AGPAT4: variants seen among roughly 807,000 people sequenced by gnomAD.
The protein encoded by AGPAT4 is 1-acylglycerol-3-phosphate O-acyltransferase 4, also known as 1-acyl-sn-glycerol-3-phosphate acyltransferase delta.
In AGPAT4, 15 loss-of-function variants were observed where a neutral mutation model predicts 48.0. That is an observed-to-expected ratio of 0.31 (90% CI 0.21 to 0.48). The LOEUF (loss-of-function observed/expected upper bound fraction) is 0.48, where lower values mean the gene tolerates loss of function less well. Ranked by LOEUF, AGPAT4 falls within the 20% of genes least tolerant of loss-of-function variation. AGPAT4 has a pLI of 0.99. For missense variants in AGPAT4, 314 were observed against 482.5 expected (o/e 0.65, Z 3.27); for synonymous variants, 178 against 198.7 (o/e 0.90, Z 0.88).
intron 2 of AGPAT4, among the ~76,000 whole-genome samples, chr6:161,167,800 C>T (rs1383412132): frequency 2.0e-5 from 3 of 152,226 alleles, no homozygotes; most frequent in East Asian, 1.9e-4. Context: ...CCTCCTAACA[C>T]GACAGTGCCT....
rs757807871 is a variant in AGPAT4 at position 161,221,716 on chromosome 6, G to A, written c.178+10320C>T. Among the ~76,000 whole-genome samples, 30 of 152,180 alleles carry A rather than the reference G, an allele frequency of 2.0e-4. No individual in the cohort carries two copies. Among genetic ancestry groups the A allele is most frequent in the South Asian group, 2.1e-4 (1 of 4,828 alleles). ...GGTGTTAGCAGGGTTGGTTCCTTCT[G>A]AGCATGTGAGGGAGGATCTGTGTCA... is the stretch of plus-strand genomic sequence containing the variant. On this transcript the variant is annotated intron_variant, in intron 2 of 8. Transcript: ENST00000320285. The surrounding 1 kb of genome is among the most constrained non-coding windows in gnomAD (Gnocchi z 4.5).
Position 161,131,077 on chromosome 6 carries a change from T to G in AGPAT4, c.*5463A>C. ...ACATACCACTCACCTCCCTTAAAAT[T>G]CAGCAGAACCAGAGGTGCCAGAAAT... On this transcript the variant is annotated 3_prime_UTR_variant, in exon 9 of 9. Transcript: ENST00000320285. 2 of 301,404 alleles carry G rather than the reference T, an allele frequency of 6.6e-6. No individual in the cohort carries two copies. The highest frequency in any genetic ancestry group is 1.4e-5 in the Non-Finnish European group (2 of 145,752). The allele number at this position is 301,404 out of a possible 1,614,324, so 18.7% of individuals were successfully genotyped here. A position where few individuals can be genotyped will look rare whatever the true frequency, so the allele number is the denominator to read the frequency against.
At position 161,131,825 on chromosome 6, in the gene AGPAT4, C is replaced by T. The variant is rs139657237; in HGVS notation, c.*4715G>A. The T allele has an allele frequency of 4.6e-5, 7 of 152,340 alleles. No homozygotes were observed. The highest frequency in any genetic ancestry group is 8.8e-5 in the Non-Finnish European group (6 of 68,032). 9.4% of individuals were successfully genotyped at this position (152,340 alleles called of 1,614,324 possible). On this transcript the variant is annotated 3_prime_UTR_variant, in exon 9 of 9. Coordinates refer to ENST00000320285, the MANE Select transcript of AGPAT4 (RefSeq NM_020133.3). Reference sequence around the variant, plus strand: ...ACAGCAACATGTCCTTAGTCCTCAGCCTAAGAAGTCCATCGAGTCCTTCTC... The same window carrying T: ...ACAGCAACATGTCCTTAGTCCTCAGTCTAAGAAGTCCATCGAGTCCTTCTC...
chr6:161,182,159 C>T (rs897535671), intron 2 of AGPAT4, among the ~76,000 whole-genome samples: 3 of 151,942 alleles, frequency 2.0e-5, no homozygotes, highest in African/African-American at 7.3e-5. Context: ...GCCCCTCGCC[C>T]CAGCACCTCG....
At chr6:161,256,374 A>C (rs1298720499) in intron 1 of AGPAT4, among the ~76,000 whole-genome samples, 1 of 152,212 alleles carries the variant, frequency 6.6e-6, no homozygotes, top group East Asian at 1.9e-4. Flanking sequence ...GATTGGGGAA[A>C]AGTCTTCGGT....
Position 161,130,813 on chromosome 6 carries a change from A to G in AGPAT4, c.*5727T>C, listed in dbSNP as rs1778877038. The G allele has an allele frequency of 3.9e-6, 2 of 518,018 alleles. No individual in the cohort carries two copies. Among genetic ancestry groups the G allele is most frequent in the African/African-American group, 3.8e-5 (2 of 51,954 alleles). The allele number at this position is 518,018 out of a possible 1,614,324, so 32.1% of individuals were successfully genotyped here. ...CTGGCTCTGCAGCGTTGTGACTTAGACACTTTACAAGTCTGAGCCATCCCG... is the reference window on the plus strand; with the variant it reads ...CTGGCTCTGCAGCGTTGTGACTTAGGCACTTTACAAGTCTGAGCCATCCCG... On this transcript the variant is annotated 3_prime_UTR_variant, in exon 9 of 9. Transcript: ENST00000320285.
At chr6:161,269,632 G>A (rs1404419097) in intron 1 of AGPAT4, among the ~76,000 whole-genome samples, 5 of 152,174 alleles carry the variant, frequency 3.3e-5, no homozygotes, top group East Asian at 3.9e-4. Flanking sequence ...GTGACAGAGC[G>A]AGACCCTGCC....
chr6:161,219,916 C>CAGGCAGGA lies in AGPAT4; in HGVS notation c.178+12119_178+12120insTCCTGCCT, dbSNP rs770490075. On this transcript the variant is annotated intron_variant, in intron 2 of 8. Coordinates refer to ENST00000320285, the MANE Select transcript of AGPAT4 (RefSeq NM_020133.3). This position sits in a 1 kb window ranked among gnomAD's most constrained non-coding sequence, Gnocchi z 4.9. Reference sequence around the variant, plus strand: ...GCAGGCAGGCAGGCAGGCAGGCAGGCGGCAGGCAGGCAGGCAGGCAGGCAG... The same window carrying CAGGCAGGA: ...GCAGGCAGGCAGGCAGGCAGGCAGGCAGGCAGGAGGCAGGCAGGCAGGCAGGCAGGCAG... Among the ~76,000 whole-genome samples, 1 of 105,990 alleles carries CAGGCAGGA rather than the reference C, an allele frequency of 9.4e-6. No homozygotes were observed. Among genetic ancestry groups the CAGGCAGGA allele is most frequent in the Non-Finnish European group, 2.0e-5 (1 of 49,256 alleles). 69.5% of individuals were successfully genotyped at this position (105,990 alleles called of 152,430 possible). A position where few individuals can be genotyped will look rare whatever the true frequency, so the allele number is the denominator to read the frequency against.
In AGPAT4 at chr6:161,130,746, T is replaced by C. The variant is rs1191479209; in HGVS notation, c.*5794A>G. 4.4e-6 allele frequency: 2 copies of C among 454,198 alleles called. No homozygotes were observed. Among genetic ancestry groups the C allele is most frequent in the African/African-American group, 2.0e-5 (1 of 50,664 alleles). 28.1% of individuals were successfully genotyped at this position (454,198 alleles called of 1,614,324 possible). ...GATGCGAGTAAGGAAGCTCCAGTTG[T>C]AGCCTTGGCACAGCTGAGGCCATGC... On this transcript the variant is annotated 3_prime_UTR_variant, in exon 9 of 9. Transcript: ENST00000320285.
chr6:161,265,098 CTGGGTGGTGGAT>C, intron 1 of AGPAT4, among the ~76,000 whole-genome samples: 2 of 152,132 alleles, frequency 1.3e-5, no homozygotes, highest in African/African-American at 4.8e-5. Context: ...CACTGCTGGA[CTGGGTGGTGGAT>C]TAGTACCCAC....
intron 1 of AGPAT4, among the ~76,000 whole-genome samples, chr6:161,265,162 G>A: frequency 7.1e-6 from 1 of 140,382 alleles, no homozygotes; most frequent in South Asian, 2.5e-4. Flanking sequence ...GCTGGACTGG[G>A]TGCTGATTAG....
Position 161,264,792 on chromosome 6 carries a change from G to A in AGPAT4, c.-90+9146C>T, listed in dbSNP as rs898483724. 1.3e-5 allele frequency among the ~76,000 whole-genome samples: 2 copies of A among 152,094 alleles called. No individual in the cohort carries two copies. Among genetic ancestry groups the A allele is most frequent in the Non-Finnish European group, 2.9e-5 (2 of 68,000 alleles). ...TGTTGACCTTTGAGAGCCTGAAAGCGAGAAGGGAGAAGCGAGATGGGAAGA... is the reference window on the plus strand; with the variant it reads ...TGTTGACCTTTGAGAGCCTGAAAGCAAGAAGGGAGAAGCGAGATGGGAAGA... On this transcript the variant is annotated intron_variant, in intron 1 of 8. Transcript: ENST00000320285. This position sits in a 1 kb window ranked among gnomAD's most constrained non-coding sequence, Gnocchi z 6.8.
chr6:161,267,486 G>T lies in AGPAT4; in HGVS notation c.-90+6452C>A, dbSNP rs1562364579. 6.6e-6 allele frequency among the ~76,000 whole-genome samples: 1 copy of T among 152,034 alleles called. No homozygotes were observed. Among genetic ancestry groups the T allele is most frequent in the Non-Finnish European group, 1.5e-5 (1 of 67,994 alleles). ...CCTAGCACTTTGGGAGGCCACACTGGGCAGATTGCTTGAAGTCAGGAGTTC... is the reference window on the plus strand; with the variant it reads ...CCTAGCACTTTGGGAGGCCACACTGTGCAGATTGCTTGAAGTCAGGAGTTC... On this transcript the variant is annotated intron_variant, in intron 1 of 8. Coordinates refer to ENST00000320285, the MANE Select transcript of AGPAT4 (RefSeq NM_020133.3). This position sits in a 1 kb window ranked among gnomAD's most constrained non-coding sequence, Gnocchi z 5.2.
chr6:161,272,979 T>C lies in AGPAT4; in HGVS notation c.-90+959A>G, dbSNP rs2114770648. Among the ~76,000 whole-genome samples the C allele has an allele frequency of 6.6e-6, 1 of 152,358 alleles. No individual in the cohort carries two copies. Among genetic ancestry groups the C allele is most frequent in the Admixed American group, 6.5e-5 (1 of 15,304 alleles). ...AGATTTGGAGCTAAATAAGTGCAGA[T>C]GAGAGCAAAGACCCATCTTTTAAAT... On this transcript the variant is annotated intron_variant, in intron 1 of 8. Coordinates refer to ENST00000320285, the MANE Select transcript of AGPAT4 (RefSeq NM_020133.3). This position sits in a 1 kb window ranked among gnomAD's most constrained non-coding sequence, Gnocchi z 4.2.
chr6:161,173,389 G>A (rs575047085), intron 2 of AGPAT4, among the ~76,000 whole-genome samples: 1 of 152,278 alleles, frequency 6.6e-6, no homozygotes, highest in Admixed American at 6.5e-5. Flanking sequence ...TTTCTCTGAT[G>A]GCCAGTGATG....
At chr6:161,230,862 C>T (rs1478174809) in intron 2 of AGPAT4, among the ~76,000 whole-genome samples, 1 of 152,188 alleles carries the variant, frequency 6.6e-6, no homozygotes. Flanking sequence ...TGCACTCAAA[C>T]TATATCCAAA....
At position 161,235,504 on chromosome 6, in the gene AGPAT4, TG is replaced by T. The variant is rs1265885770; in HGVS notation, c.-89-3203del. ...TTAAGTTCATTCCAGATAGACGTTT[TG>T]GGGACCCATCTGGATTAGTCCATTC... On this transcript the variant is annotated intron_variant, in intron 1 of 8. Transcript: ENST00000320285. The surrounding 1 kb of genome is among the most constrained non-coding windows in gnomAD (Gnocchi z 6.2). Among the ~76,000 whole-genome samples the T allele has an allele frequency of 6.6e-6, 1 of 152,208 alleles. No individual in the cohort carries two copies. The highest frequency in any genetic ancestry group is 1.5e-5 in the Non-Finnish European group (1 of 68,028).
At chr6:161,265,898 T>C (rs1783248971) in intron 1 of AGPAT4, among the ~76,000 whole-genome samples, 1 of 152,238 alleles carries the variant, frequency 6.6e-6, no homozygotes, top group Non-Finnish European at 1.5e-5. Flanking sequence ...GTTGGTTTAC[T>C]ATTATTTTTC....
rs1382851802 is a variant in AGPAT4 at position 161,198,704 on chromosome 6, C to T, written c.179-32287G>A. ...TTGTTATTAGGTTTAAATAAGCTCA[C>T]ATGTAGAAGGAACTCCGCAGAGTGC... On this transcript the variant is annotated intron_variant, in intron 2 of 8. Coordinates refer to ENST00000320285, the MANE Select transcript of AGPAT4 (RefSeq NM_020133.3). This position sits in a 1 kb window ranked among gnomAD's most constrained non-coding sequence, Gnocchi z 4.3. Among the ~76,000 whole-genome samples the T allele has an allele frequency of 6.6e-6, 1 of 152,148 alleles. No homozygotes were observed. The highest frequency in any genetic ancestry group is 2.4e-5 in the African/African-American group (1 of 41,418).
Sources: allele counts gnomAD v4.1 joint callset (sites outside exome capture counted in the v4.1 genomes callset), GRCh38; gene constraint gnomAD v4.1.1; non-coding constraint Gnocchi (gnomAD v3.1); transcripts MANE v1.5; gene names NCBI Gene and HGNC (gene_info 2026-07-23, HGNC 2026-07-21).